The following PIK3R6 variants were observed in gnomAD, a reference collection of about 807,000 sequenced individuals.
The protein encoded by PIK3R6 is phosphoinositide 3-kinase regulatory subunit 6.
Under a neutral mutation model 84.9 loss-of-function variants are expected in PIK3R6, and 91 were observed. The observed-to-expected ratio is 1.07, with a 90% CI of 0.90 to 1.28. The LOEUF (loss-of-function observed/expected upper bound fraction) is 1.28. PIK3R6 is among the 50% of genes most tolerant of loss of function. The pLI, the probability that PIK3R6 is intolerant of heterozygous loss-of-function variation, is 0.00. For synonymous variants in PIK3R6, 416 were observed against 411.4 expected (o/e 1.01, Z -0.13); for missense variants, 996 against 985.1 (o/e 1.01, Z -0.15).
chr17:8,825,370 T>G (rs757649073), intron 13 of PIK3R6, among the ~76,000 whole-genome samples: 1 of 152,146 alleles, frequency 6.6e-6, no homozygotes, highest in Non-Finnish European at 1.5e-5. Context: ...TGAAAAGTTT[T>G]GAAAAAGAAG....
chr17:8,809,653 G>A (rs1453246051), intron 18 of PIK3R6, among the ~76,000 whole-genome samples: 6 of 152,164 alleles, frequency 3.9e-5, no homozygotes, highest in Middle Eastern at 3.4e-3. Context: ...AAATTAGCTG[G>A]GCATAGTGGC....
intron 2 of PIK3R6, among the ~76,000 whole-genome samples, chr17:8,845,667 C>T (rs2151289521): frequency 6.6e-6 from 1 of 152,194 alleles, no homozygotes; most frequent in Non-Finnish European, 1.5e-5. Context: ...TTAGTGTAGG[C>T]CAGGCACGGT....
At chr17:8,829,223 A>G (rs956011913) in intron 10 of PIK3R6, among the ~76,000 whole-genome samples, 2 of 148,450 alleles carry the variant, frequency 1.3e-5, no homozygotes, top group East Asian at 3.9e-4. Flanking sequence ...AGACACACAC[A>G]CAGAGACACA....
Position 8,821,927 on chromosome 17 carries a change from T to A in PIK3R6, c.1798A>T (p.Ser600Cys). The A allele has an allele frequency of 6.3e-7, 1 of 1,582,184 alleles. No individual in the cohort carries two copies. The part of the protein sequence containing the change: ...LSLCYQKALL[S>C]HRPREVTVSL... ...ACGGTGACCTCTCGGGGCCGGTGGC[T>A]AAGCAAGGCCTGAGGAGGGGGATCG... The change falls in exon 17 of 20, where the codon AGC becomes TGC. Residue 600 changes from serine (S) to cysteine (C), a missense_variant. Ser to Cys is a moderately radical substitution (Grantham distance 112, BLOSUM62 -1). Transcript: ENST00000619866.
rs1048687763 is a variant in PIK3R6 at position 8,844,989 on chromosome 17, C to T, written c.13+4793G>A. Among the ~76,000 whole-genome samples, 4 of 152,286 alleles carry T rather than the reference C, an allele frequency of 2.6e-5. No individual in the cohort carries two copies. The highest frequency in any genetic ancestry group is 1.9e-4 in the East Asian group (1 of 5,190). ...GCTTCCAGCTCCATCCATATTGCAA[C>T]GAAGGATATGATTTCGTTCTTTTTT... On this transcript the variant is annotated intron_variant, in intron 2 of 19. Coordinates refer to ENST00000619866, the MANE Select transcript of PIK3R6 (RefSeq NM_001010855.4). The surrounding 1 kb of genome is among the most constrained non-coding windows in gnomAD (Gnocchi z 4.5).
At chr17:8,824,336 C>G (rs1597392887) in intron 13 of PIK3R6, among the ~76,000 whole-genome samples, 4 of 152,206 alleles carry the variant, frequency 2.6e-5, no homozygotes, top group Non-Finnish European at 5.9e-5. Flanking sequence ...GTCCTCCAGT[C>G]CTTCCCTGGT....
chr17:8,866,718 G>C (rs1458907710), intron 1 of PIK3R6, among the ~76,000 whole-genome samples: 1 of 152,048 alleles, frequency 6.6e-6, no homozygotes, highest in East Asian at 1.9e-4. Context: ...TTGAGCCTCA[G>C]CCAGGCACCA....
intron 9 of PIK3R6, among the ~76,000 whole-genome samples, chr17:8,831,019 G>A (rs1033431059): frequency 3.3e-5 from 5 of 151,894 alleles, no homozygotes; most frequent in Non-Finnish European, 4.4e-5. Context: ...GGTGGCAGGC[G>A]CCTGTAGTCC....
chr17:8,840,202 C>A (rs1022310625), intron 2 of PIK3R6, among the ~76,000 whole-genome samples: 1 of 139,880 alleles, frequency 7.1e-6, no homozygotes, highest in Admixed American at 7.4e-5. Context: ...TATATATAGC[C>A]TCCAAATATA....
rs1174597662 is a variant in PIK3R6, at chr17:8,839,212, G to T, written c.97+402C>A. Among the ~76,000 whole-genome samples the T allele has an allele frequency of 1.3e-5, 2 of 152,158 alleles. No homozygotes were observed. Among genetic ancestry groups the T allele is most frequent in the East Asian group, 3.9e-4 (2 of 5,182 alleles). Reference sequence around the variant, plus strand: ...AAAATACAAAAATTAGCAGGGCATGGTGGCACACGCCTGTAATCTCAGCTA... The same window carrying T: ...AAAATACAAAAATTAGCAGGGCATGTTGGCACACGCCTGTAATCTCAGCTA... On this transcript the variant is annotated intron_variant, in intron 3 of 19. Coordinates refer to ENST00000619866, the MANE Select transcript of PIK3R6 (RefSeq NM_001010855.4). The surrounding 1 kb of genome is among the most constrained non-coding windows in gnomAD (Gnocchi z 4.2).
chr17:8,823,500 G>A lies in PIK3R6; in HGVS notation c.1516-3C>T, dbSNP rs2087812536. ...CGGGATGTGTCCAGGGAAGGAGGCTGTGATGGAGACAGGGAATGTCTTCAC... is the reference window on the plus strand; with the variant it reads ...CGGGATGTGTCCAGGGAAGGAGGCTATGATGGAGACAGGGAATGTCTTCAC... On this transcript the variant is annotated splice_polypyrimidine_tract_variant and splice_region_variant and intron_variant, in intron 13 of 19. Coordinates refer to ENST00000619866, the MANE Select transcript of PIK3R6 (RefSeq NM_001010855.4). 6.3e-6 allele frequency: 10 copies of A among 1,591,120 alleles called. No individual in the cohort carries two copies. The highest frequency in any genetic ancestry group is 7.8e-6 in the Non-Finnish European group (9 of 1,159,948).
At chr17:8,851,365 G>A (rs932578318) in intron 1 of PIK3R6, among the ~76,000 whole-genome samples, 16 of 151,826 alleles carry the variant, frequency 1.1e-4, no homozygotes, top group Non-Finnish European at 1.3e-4. Flanking sequence ...GCGTGGTGGT[G>A]GGCGCCTGTA....
intron 13 of PIK3R6, among the ~76,000 whole-genome samples, chr17:8,824,952 T>G (rs1482188940): frequency 6.6e-6 from 1 of 152,154 alleles, no homozygotes; most frequent in South Asian, 2.1e-4. Context: ...AAAACAGATA[T>G]GTAAAAGTGG....
chr17:8,805,714 G>A (rs1470570024), intron 18 of PIK3R6, among the ~76,000 whole-genome samples: 2 of 152,080 alleles, frequency 1.3e-5, no homozygotes, highest in East Asian at 3.9e-4. Context: ...TCAGGAGTTC[G>A]AGATCAGCCT....
At chr17:8,819,913 T>C (rs993903687) in intron 17 of PIK3R6, among the ~76,000 whole-genome samples, 17 of 138,830 alleles carry the variant, frequency 1.2e-4, no homozygotes, top group Non-Finnish European at 2.3e-4. Flanking sequence ...TACATACATA[T>C]ATATATTTTA....
intron 6 of PIK3R6, 77 bp downstream of exon 6, chr17:8,836,714 A>G: frequency 2.5e-6 from 4 of 1,610,516 alleles, no homozygotes; most frequent in South Asian, 1.1e-5. Flanking sequence ...GCTCCCCGGT[A>G]TCCTGGAGAA....
Position 8,840,839 on chromosome 17 carries a change from G to A in PIK3R6, c.14-1142C>T, listed in dbSNP as rs577613016. Among the ~76,000 whole-genome samples, 8 of 151,608 alleles carry A rather than the reference G, an allele frequency of 5.3e-5. 1 individual carries two copies. In the South Asian group the frequency reaches 1.7e-3, roughly 32 times the overall value. On this transcript the variant is annotated intron_variant, in intron 2 of 19. Transcript: ENST00000619866. ...GCAATCTTGGCTCACTGCAATCTCC[G>A]CCTCCTGGGTTCACGCCATTCTCCT... is the stretch of plus-strand genomic sequence containing the variant.
chr17:8,849,880 G>A lies in PIK3R6; in HGVS notation c.-86C>T. On this transcript the variant is annotated 5_prime_UTR_variant, in exon 2 of 20. Transcript: ENST00000619866. ...AAGGTGGTTGCTTTTCTGCACAGAG[G>A]TGGTTCTGCAAAATAAGAGGTAGTT... 6.5e-7 allele frequency: 1 copy of A among 1,534,744 alleles called. No homozygotes were observed. Among genetic ancestry groups the A allele is most frequent in the Non-Finnish European group, 8.8e-7 (1 of 1,131,674 alleles).
At position 8,832,345 on chromosome 17, in the gene PIK3R6, G is replaced by A. The variant is rs923646659; in HGVS notation, c.802+544C>T. On this transcript the variant is annotated intron_variant, in intron 9 of 19. Transcript: ENST00000619866. The stretch of plus-strand genomic sequence containing the variant: ...GTATAGTAGGGGCTCTGTGGGCATC[G>A]GCGGTTATCATGACCAAATTACCCA... 2.7e-5 allele frequency among the ~76,000 whole-genome samples: 4 copies of A among 150,486 alleles called. No individual in the cohort carries two copies. The East Asian group carries it at 7.7e-4, about 29-fold the overall frequency.
Sources: allele counts gnomAD v4.1 joint callset (sites outside exome capture counted in the v4.1 genomes callset), GRCh38; gene constraint gnomAD v4.1.1; non-coding constraint Gnocchi (gnomAD v3.1); transcripts MANE v1.5; gene names NCBI Gene and HGNC (gene_info 2026-07-23, HGNC 2026-07-21).